MTMR12: variants seen among roughly 807,000 people sequenced by gnomAD.
MTMR12 encodes myotubularin related protein 12, also known as myotubularin-related protein 12.
A neutral mutation model predicts 96.7 loss-of-function variants in MTMR12; 33 were observed. The observed-to-expected ratio is 0.34, with a 90% confidence interval of 0.26 to 0.46. The LOEUF (loss-of-function observed/expected upper bound fraction) is 0.46. MTMR12 is among the 20% of genes least tolerant of loss of function. The probability of loss-of-function intolerance (pLI) is 1.00; values close to 1 mark genes in which losing one functional copy is unlikely to be tolerated. For synonymous variants in MTMR12, 298 were observed against 327.2 expected, an observed-to-expected ratio of 0.91 and a Z score of 0.96; for missense variants, 721 against 896.1, an observed-to-expected ratio of 0.80 and a Z score of 2.49.
At chr5:32,270,370 C>T (rs1749785793) in intron 5 of MTMR12, among the ~76,000 whole-genome samples, 1 of 152,164 alleles carries the variant, frequency 6.6e-6, no homozygotes, top group South Asian at 2.1e-4. Context: ...GCTCATCTGA[C>T]CTGTGTACTT....
rs1407500499 is a variant in MTMR12 at position 32,233,008 on chromosome 5, C to T, written c.1674+765G>A. 1.0e-6 allele frequency: 1 copy of T among 984,920 alleles called. No homozygotes were observed. The highest frequency in any genetic ancestry group is 1.2e-6 in the Non-Finnish European group (1 of 829,602). 61.0% of individuals were successfully genotyped at this position (984,920 alleles called of 1,614,324 possible). The stretch of plus-strand genomic sequence containing the variant: ...GACTCTGTGGGGGAGAAATTCTGGG[C>T]CTGGAGACAGAGCTAGGAAATGTCA... On this transcript the variant is annotated intron_variant, in intron 15 of 15. Coordinates refer to ENST00000382142, the MANE Select transcript of MTMR12 (RefSeq NM_001040446.3). This position sits in a 1 kb window ranked among gnomAD's most constrained non-coding sequence, Gnocchi z 5.0.
intron 11 of MTMR12, 108 bp downstream of exon 11, chr5:32,243,413 G>A: frequency 1.3e-6 from 1 of 747,892 alleles, no homozygotes; most frequent in Non-Finnish European, 2.2e-6. Flanking sequence ...TGTGATCTAA[G>A]AATATTTAAC....
Position 32,233,129 on chromosome 5 carries a change from C to G in MTMR12, c.1674+644G>C. 3.8e-6 allele frequency: 2 copies of G among 525,556 alleles called. No individual in the cohort carries two copies. Among genetic ancestry groups the G allele is most frequent in the Non-Finnish European group, 4.9e-6 (2 of 409,930 alleles). The allele number at this position is 525,556 out of a possible 1,614,324, so 32.6% of individuals were successfully genotyped here. A position where few individuals can be genotyped will look rare whatever the true frequency, so the allele number is the denominator to read the frequency against. On this transcript the variant is annotated intron_variant, in intron 15 of 15. Transcript: ENST00000382142. This position sits in a 1 kb window ranked among gnomAD's most constrained non-coding sequence, Gnocchi z 5.0. ...TAGCATAGGTCAGCAAACTGGCCAC[C>G]CCTCCGGCCAAATCTGGCCTGGCGC...
chr5:32,232,987 CTG>C (rs1335295412), intron 15 of MTMR12: 3 of 985,282 alleles, frequency 3.0e-6, no homozygotes, highest in African/African-American at 3.5e-5. Context: ...TTTGTGGACT[CTG>C]TGGGGGAGAA....
In MTMR12 at chr5:32,233,054, G is replaced by T. The variant is rs1024426821; in HGVS notation, c.1674+719C>A. The T allele has an allele frequency of 2.1e-6, 2 of 965,048 alleles. No individual in the cohort carries two copies. Among genetic ancestry groups the T allele is most frequent in the African/African-American group, 1.8e-5 (1 of 56,728 alleles). 59.8% of individuals were successfully genotyped at this position (965,048 alleles called of 1,614,324 possible). A position where few individuals can be genotyped will look rare whatever the true frequency, so the allele number is the denominator to read the frequency against. On this transcript the variant is annotated intron_variant, in intron 15 of 15. Transcript: ENST00000382142. This position sits in a 1 kb window ranked among gnomAD's most constrained non-coding sequence, Gnocchi z 5.0. ...TGTCAGTTAAATAATTCATCAGTTA[G>T]GGAACTTTGGGATTATCAACTAAAA...
At chr5:32,301,406 G>A (rs1296689155) in intron 1 of MTMR12, among the ~76,000 whole-genome samples, 1 of 152,218 alleles carries the variant, frequency 6.6e-6, no homozygotes, top group Non-Finnish European at 1.5e-5. Flanking sequence ...GCTATTCCCA[G>A]TGGTTTGCAT....
Position 32,232,097 on chromosome 5 carries a change from G to C in MTMR12, c.1674+1676C>G, listed in dbSNP as rs142183367. 6.6e-4 allele frequency among the ~76,000 whole-genome samples: 100 copies of C among 152,316 alleles called. 1 individual carries two copies. The East Asian group carries it at 0.019, about 29-fold the overall frequency. The stretch of plus-strand genomic sequence containing the variant: ...GGGAGCACTCAAGACCAGCTGACAT[G>C]CCAGCAGCTCTGCAGGCCAAAGCCT... On this transcript the variant is annotated intron_variant, in intron 15 of 15. Coordinates refer to ENST00000382142, the MANE Select transcript of MTMR12 (RefSeq NM_001040446.3).
chr5:32,274,740 C>T (rs894729750), intron 2 of MTMR12, among the ~76,000 whole-genome samples: 7 of 152,168 alleles, frequency 4.6e-5, no homozygotes, highest in South Asian at 4.1e-4. Context: ...GGGGAAAAAA[C>T]GTGTTTCCTC....
At position 32,263,203 on chromosome 5, in the gene MTMR12, A is replaced by G; in HGVS notation, c.623T>C (p.Leu208Pro). The change falls in exon 7 of 16, where the codon CTT becomes CCT. Residue 208 changes from leucine to proline, a missense_variant. Physicochemically the swap from Leu to Pro is moderately conservative, Grantham distance 98. Transcript: ENST00000382142. Reference protein sequence around the residue: ...PKNHTVMFDTLKDWCWELERT... With the variant: ...PKNHTVMFDTPKDWCWELERT... ...TTCCAGTTCCCAACACCAGTCCTTA[A>G]GTGTGTCAAACATTACGGTATGGTT... 1 of 1,614,176 alleles carries G rather than the reference A, an allele frequency of 6.2e-7. No homozygotes were observed. Among genetic ancestry groups the G allele is most frequent in the South Asian group, 1.1e-5 (1 of 91,076 alleles).
intron 1 of MTMR12, among the ~76,000 whole-genome samples, chr5:32,294,676 G>A (rs1234479703): frequency 2.0e-5 from 3 of 152,082 alleles, no homozygotes; most frequent in Non-Finnish European, 4.4e-5. Context: ...TACAAACTGA[G>A]GGCTGAGGCT....
chr5:32,267,219 T>C (rs550522579), intron 6 of MTMR12, among the ~76,000 whole-genome samples: 34 of 151,152 alleles, frequency 2.2e-4, no homozygotes, highest in Non-Finnish European at 4.1e-4. Context: ...CTACTAAAAA[T>C]ACAAAAATTA....
chr5:32,229,988 G>A lies in MTMR12; in HGVS notation c.2034C>T (p.Ile678=), dbSNP rs745897705. The change falls in exon 16 of 16, where the codon ATC becomes ATT. Residue 678 remains isoleucine (I), a synonymous_variant. Coordinates refer to ENST00000382142, the MANE Select transcript of MTMR12 (RefSeq NM_001040446.3). ...CCTGCTGGCTGTGGTGTCTCTCGTC[G>A]ATCTTCTCTTGTAAACTCTGGACTT... The part of the protein sequence containing the change: ...MEEVQSLQEK[I]DERHHSQQAP... 10 of 1,612,076 alleles carry A rather than the reference G, an allele frequency of 6.2e-6. No individual in the cohort carries two copies. The highest frequency in any genetic ancestry group is 1.6e-4 in the Middle Eastern group (1 of 6,070).
In MTMR12 at chr5:32,229,577, C is replaced by T. The variant is rs1421209245; in HGVS notation, c.*201G>A. 6.7e-6 allele frequency: 3 copies of T among 448,784 alleles called. No individual in the cohort carries two copies. The highest frequency in any genetic ancestry group is 1.1e-5 in the Non-Finnish European group (3 of 264,172). 27.8% of individuals were successfully genotyped at this position (448,784 alleles called of 1,614,324 possible). A position where few individuals can be genotyped will look rare whatever the true frequency, so the allele number is the denominator to read the frequency against. ...TAATAATTCCTTCCAATTAGTAATA[C>T]TACAGATGCGGTTTTAATTGCATAG... On this transcript the variant is annotated 3_prime_UTR_variant, in exon 16 of 16. Transcript: ENST00000382142.
intron 1 of MTMR12, among the ~76,000 whole-genome samples, chr5:32,290,878 G>C (rs1033783429): frequency 6.6e-6 from 1 of 152,180 alleles, no homozygotes; most frequent in Non-Finnish European, 1.5e-5. Flanking sequence ...CCCGTTACTG[G>C]GCTTTGGTAG....
At chr5:32,290,575 G>A (rs1457765375) in intron 1 of MTMR12, among the ~76,000 whole-genome samples, 6 of 152,178 alleles carry the variant, frequency 3.9e-5, no homozygotes, top group African/African-American at 9.7e-5. Flanking sequence ...CATATTCTTC[G>A]TTTGAGTGTG....
chr5:32,281,248 T>TAAAAAA (rs72123716), intron 1 of MTMR12, among the ~76,000 whole-genome samples: 2 of 107,464 alleles, frequency 1.9e-5, no homozygotes, highest in Admixed American at 1.0e-4. Context: ...ACTCTATCAT[T>TAAAAAA]AAAAAAAAAA....
intron 1 of MTMR12, among the ~76,000 whole-genome samples, chr5:32,311,703 C>T (rs1433094062): frequency 2.0e-5 from 3 of 152,222 alleles, no homozygotes; most frequent in Admixed American, 6.5e-5. Flanking sequence ...CTCTAACCTC[C>T]TCTCCTATGA....
Position 32,270,958 on chromosome 5 carries a change from G to T in MTMR12, c.359-11C>A, listed in dbSNP as rs1272930111. 1 of 1,599,742 alleles carries T rather than the reference G, an allele frequency of 6.3e-7. No homozygotes were observed. The highest frequency in any genetic ancestry group is 2.2e-5 in the East Asian group (1 of 44,714). Reference sequence around the variant, plus strand: ...TTTTCTCATCAAACACTACAGATCAGCAATGAAATCAGGAAGGGAAATTAT... The same window carrying T: ...TTTTCTCATCAAACACTACAGATCATCAATGAAATCAGGAAGGGAAATTAT... On this transcript the variant is annotated splice_polypyrimidine_tract_variant and intron_variant, in intron 4 of 15. Transcript: ENST00000382142.
intron 7 of MTMR12, among the ~76,000 whole-genome samples, chr5:32,262,496 G>C (rs1317792363): frequency 6.6e-6 from 1 of 152,080 alleles, no homozygotes; most frequent in Non-Finnish European, 1.5e-5. Context: ...AGCTACTCAG[G>C]AGGCTGAGGT....
Sources: allele counts gnomAD v4.1 joint callset (sites outside exome capture counted in the v4.1 genomes callset), GRCh38; gene constraint gnomAD v4.1.1; non-coding constraint Gnocchi (gnomAD v3.1); transcripts MANE v1.5; gene names NCBI Gene and HGNC (gene_info 2026-07-23, HGNC 2026-07-21).